MACROH2A1: variants seen among roughly 807,000 people sequenced by gnomAD.
MACROH2A1 encodes macroH2A.1 histone.
A neutral mutation model predicts 31.6 loss-of-function variants in MACROH2A1; 2 were observed. The ratio of observed to expected loss-of-function variants is 0.06; its 90% CI spans 0.03 to 0.20. The LOEUF (loss-of-function observed/expected upper bound fraction) is 0.20, where lower values mean the gene tolerates loss of function less well. Among genes scored for constraint, MACROH2A1 ranks in the 10% least tolerant of loss-of-function variants. The pLI is 1.00. For missense variants in MACROH2A1, 230 were observed against 474.0 expected (o/e 0.49, Z 4.78); for synonymous variants, 169 against 189.6 (o/e 0.89, Z 0.89).
At chr5:135,380,126 C>G (rs1765458044) in intron 2 of MACROH2A1, among the ~76,000 whole-genome samples, 1 of 152,144 alleles carries the variant, frequency 6.6e-6, no homozygotes, top group East Asian at 1.9e-4. Flanking sequence ...ACTCCCTCCC[C>G]CTGAAACTCA....
At chr5:135,338,065 G>C in intron 8 of MACROH2A1, 2 of 1,037,742 alleles carry the variant, frequency 1.9e-6, no homozygotes, top group South Asian at 2.1e-5. Context: ...CTTGCTGCCA[G>C]TTAGAATGCT....
intron 2 of MACROH2A1, among the ~76,000 whole-genome samples, chr5:135,388,556 A>G (rs1042107449): frequency 6.6e-6 from 1 of 152,250 alleles, no homozygotes; most frequent in African/African-American, 2.4e-5. Context: ...ACAAACTGGC[A>G]GTCAAATGCA....
intron 6 of MACROH2A1, chr5:135,350,585 G>C (rs534430461): frequency 2.8e-5 from 13 of 462,438 alleles, no homozygotes; most frequent in African/African-American, 2.5e-4. Context: ...CGATTCTGCT[G>C]AACCAGTTTT....
At chr5:135,342,658 G>A (rs1760093155) in intron 8 of MACROH2A1, among the ~76,000 whole-genome samples, 1 of 152,170 alleles carries the variant, frequency 6.6e-6, no homozygotes, top group African/African-American at 2.4e-5. Context: ...GTGGAGTAGG[G>A]CCCAGCCCTG....
chr5:135,360,525 G>A lies in MACROH2A1; in HGVS notation c.560C>T (p.Ser187Phe), dbSNP rs1762705751. 6.2e-7 allele frequency: 1 copy of A among 1,613,214 alleles called. No individual in the cohort carries two copies. The highest frequency in any genetic ancestry group is 1.3e-5 in the African/African-American group (1 of 74,898). ...CTGGCCAAGGAAGAGGCTCTTGGTG[G>A]AGAGGACTGTGAAGCCGTCGGCAGG... ...GTPADGFTVL[S>F]TKSLFLGQKL... is the part of the protein sequence containing the mutation. The change falls in exon 5 of 9, where the codon TCC (serine) becomes TTC (phenylalanine). Residue 187 changes from serine (S) to phenylalanine (F), a missense_variant. By Grantham distance (155) the Ser-to-Phe change is radical. Transcript: ENST00000511689.
At chr5:135,364,056 C>A (rs1302315973) in intron 4 of MACROH2A1, among the ~76,000 whole-genome samples, 2 of 152,114 alleles carry the variant, frequency 1.3e-5, no homozygotes, top group Non-Finnish European at 2.9e-5. Context: ...TTTGTAGATT[C>A]TGGATATTAG....
rs1471794986 is a variant in MACROH2A1 at position 135,337,917 on chromosome 5, T to G, written c.954-2776A>C. 1.7e-5 allele frequency: 19 copies of G among 1,093,546 alleles called. No homozygotes were observed. In the Admixed American group the frequency reaches 8.2e-4, roughly 47 times the overall value. 67.7% of individuals were successfully genotyped at this position (1,093,546 alleles called of 1,614,324 possible). A position where few individuals can be genotyped will look rare whatever the true frequency, so the allele number is the denominator to read the frequency against. ...GGACAACCCTTTGTTGACAAATCCA[T>G]CCCTCTGTCCTAGGAAGCTACAGCC... On this transcript the variant is annotated intron_variant, in intron 8 of 8. Transcript: ENST00000511689.
At chr5:135,341,236 G>A (rs1271991037) in intron 8 of MACROH2A1, among the ~76,000 whole-genome samples, 1 of 152,214 alleles carries the variant, frequency 6.6e-6, no homozygotes, top group Admixed American at 6.5e-5. Context: ...AGGCAGACCA[G>A]GGCAGAGAGG....
chr5:135,386,473 T>C lies in MACROH2A1; in HGVS notation c.172+2449A>G, dbSNP rs2149944970. 2.0e-5 allele frequency among the ~76,000 whole-genome samples: 3 copies of C among 152,342 alleles called. No homozygotes were observed. The South Asian group carries it at 6.2e-4, about 32-fold the overall frequency. On this transcript the variant is annotated intron_variant, in intron 2 of 8. Transcript: ENST00000511689. ...TCATAAAATTTAAAAATACATATTA[T>C]TATTTAATATACAAGAGCTGATGTG...
intron 2 of MACROH2A1, among the ~76,000 whole-genome samples, chr5:135,375,627 A>T (rs746581934): frequency 6.6e-6 from 1 of 152,218 alleles, no homozygotes; most frequent in Non-Finnish European, 1.5e-5. Context: ...CAACCCTTGC[A>T]ATAGGAAAGA....
At chr5:135,391,108 CA>C (rs1012638373) in intron 1 of MACROH2A1, among the ~76,000 whole-genome samples, 4 of 152,160 alleles carry the variant, frequency 2.6e-5, no homozygotes, top group African/African-American at 4.8e-5. Context: ...ACATTCCTTG[CA>C]AAAAGGTGCC....
Position 135,370,160 on chromosome 5 carries a change from G to A in MACROH2A1, c.173-18C>T, listed in dbSNP as rs756689694. On this transcript the variant is annotated intron_variant, in intron 2 of 8. Transcript: ENST00000511689. ...AATCTCCGCTGTGGGGAGCAGAGATGAGTGTATGGTCATGTTAGAGGACCA... is the reference window on the plus strand; with the variant it reads ...AATCTCCGCTGTGGGGAGCAGAGATAAGTGTATGGTCATGTTAGAGGACCA... The A allele has an allele frequency of 3.9e-6, 6 of 1,527,122 alleles. No homozygotes were observed. The highest frequency in any genetic ancestry group is 1.8e-6 in the Non-Finnish European group (2 of 1,105,268). 94.6% of individuals were successfully genotyped at this position (1,527,122 alleles called of 1,614,324 possible).
At chr5:135,339,200 T>C (rs1759349122) in intron 8 of MACROH2A1, among the ~76,000 whole-genome samples, 1 of 152,240 alleles carries the variant, frequency 6.6e-6, no homozygotes, top group South Asian at 2.1e-4. Flanking sequence ...GTAATGCCCT[T>C]TGCCTTTCCC....
chr5:135,341,816 T>C (rs1432618727), intron 8 of MACROH2A1, among the ~76,000 whole-genome samples: 1 of 152,236 alleles, frequency 6.6e-6, no homozygotes, highest in African/African-American at 2.4e-5. Context: ...GTTCAGGACA[T>C]GGTTCTGAGG....
At position 135,398,635 on chromosome 5, in the gene MACROH2A1, G is replaced by C. The variant is rs1390253117; in HGVS notation, c.-34+427C>G. ...CGCGGGCCGGCGGGGGCCTCACCAA[G>C]TACAACTCTGCTCACAGCAGCTCCC... On this transcript the variant is annotated intron_variant, in intron 1 of 8. Coordinates refer to ENST00000511689, the MANE Select transcript of MACROH2A1 (RefSeq NM_138610.3). This position sits in a 1 kb window ranked among gnomAD's most constrained non-coding sequence, Gnocchi z 4.6. Among the ~76,000 whole-genome samples the C allele has an allele frequency of 6.6e-6, 1 of 152,092 alleles. No homozygotes were observed.
At chr5:135,373,838 G>A (rs1764504742) in intron 2 of MACROH2A1, among the ~76,000 whole-genome samples, 1 of 152,194 alleles carries the variant, frequency 6.6e-6, no homozygotes, top group Admixed American at 6.5e-5. Flanking sequence ...AGGGAGCTGT[G>A]TCAAGTAGGG....
chr5:135,369,635 G>A lies in MACROH2A1; in HGVS notation c.280-32C>T. 6.5e-7 allele frequency: 1 copy of A among 1,550,000 alleles called. No homozygotes were observed. Among genetic ancestry groups the A allele is most frequent in the South Asian group, 1.1e-5 (1 of 89,754 alleles). On this transcript the variant is annotated intron_variant, in intron 3 of 8. Coordinates refer to ENST00000511689, the MANE Select transcript of MACROH2A1 (RefSeq NM_138610.3). The surrounding 1 kb of genome is among the most constrained non-coding windows in gnomAD (Gnocchi z 4.3). ...GGAAAACCAGAATAGCAGATAGTGA[G>A]CCAGATACCCTGCTTCTAACCTTCA...
In MACROH2A1 at chr5:135,371,900, G is replaced by A. The variant is rs193283537; in HGVS notation, c.173-1758C>T. ...AGAAAATTCTAGCTGCATAAAAATC[G>A]TGTGTTAAAAATTTACGGTATGACA... On this transcript the variant is annotated intron_variant, in intron 2 of 8. Transcript: ENST00000511689. Among the ~76,000 whole-genome samples, 620 of 152,196 alleles carry A rather than the reference G, an allele frequency of 4.1e-3. 3 individuals are homozygous for A. The highest frequency in any genetic ancestry group is 0.014 in the African/African-American group (585 of 41,524).
chr5:135,350,423 G>C (rs1448746084), intron 6 of MACROH2A1, among the ~76,000 whole-genome samples: 1 of 152,106 alleles, frequency 6.6e-6, no homozygotes, highest in Non-Finnish European at 1.5e-5. Context: ...GTGGTGACCT[G>C]TGCACAGGCA....
Sources: allele counts gnomAD v4.1 joint callset (sites outside exome capture counted in the v4.1 genomes callset), GRCh38; gene constraint gnomAD v4.1.1; non-coding constraint Gnocchi (gnomAD v3.1); transcripts MANE v1.5; gene names NCBI Gene and HGNC (gene_info 2026-07-23, HGNC 2026-07-21).